CEP128: variants seen among roughly 807,000 people sequenced by gnomAD.
The protein encoded by CEP128 is centrosomal protein 128.
In CEP128, 132 loss-of-function variants were observed where a neutral mutation model predicts 156.7. The ratio of observed to expected loss-of-function variants is 0.84; its 90% CI spans 0.73 to 0.97. The LOEUF is 0.97. Ranked by LOEUF, CEP128 falls within the 50% of genes least tolerant of loss-of-function variation. CEP128 has a pLI of 0.00. For missense variants in CEP128, 1,252 were observed against 1,281.9 expected, an observed-to-expected ratio of 0.98 and a Z score of 0.36; for synonymous variants, 469 against 448.9, an observed-to-expected ratio of 1.04 and a Z score of -0.57.
At chr14:80,880,268 G>A (rs1208047111) in intron 8 of CEP128, among the ~76,000 whole-genome samples, 4 of 151,684 alleles carry the variant, frequency 2.6e-5, no homozygotes, top group South Asian at 2.1e-4. Flanking sequence ...AGCATTTATC[G>A]AAGTCCAACA....
intron 13 of CEP128, among the ~76,000 whole-genome samples, chr14:80,807,703 G>A (rs1252064080): frequency 6.6e-6 from 1 of 152,160 alleles, no homozygotes; most frequent in African/African-American, 2.4e-5. Flanking sequence ...TGAACATCCC[G>A]TAAGGGCCCT....
Position 80,916,441 on chromosome 14 carries a change from T to C in CEP128, c.107A>G (p.Glu36Gly). Residue 36 changes from glutamate to glycine, a missense_variant, in exon 3 of 25, where the codon GAA becomes GGA. Coordinates refer to ENST00000555265, the MANE Select transcript of CEP128 (RefSeq NM_152446.5). ...TATAGTGTTGACCTTCTCGGTAACT[T>C]CTACTGTAGGAAGACTTCGAGTTCC... ...HRGTRSLPTV[E>G]VTEKVNTITS... The C allele has an allele frequency of 3.7e-6, 6 of 1,614,066 alleles. No homozygotes were observed. Among genetic ancestry groups the C allele is most frequent in the Non-Finnish European group, 5.1e-6 (6 of 1,179,954 alleles).
chr14:80,938,543 G>A (rs577898296), intron 2 of CEP128, among the ~76,000 whole-genome samples: 66 of 152,090 alleles, frequency 4.3e-4, no homozygotes, highest in Non-Finnish European at 7.9e-4. Context: ...CACCGCGCCC[G>A]GCCACACAGT....
At chr14:80,499,069 G>A (rs1314883792) in intron 24 of CEP128, among the ~76,000 whole-genome samples, 1 of 152,184 alleles carries the variant, frequency 6.6e-6, no homozygotes, top group Non-Finnish European at 1.5e-5. Context: ...CCTGTAAAAT[G>A]AGAGAGACAG....
chr14:80,588,309 C>A (rs1186260086), intron 19 of CEP128, among the ~76,000 whole-genome samples: 1 of 152,012 alleles, frequency 6.6e-6, no homozygotes, highest in Non-Finnish European at 1.5e-5. Context: ...CTCTGGCAAT[C>A]CACACACAGA....
chr14:80,701,633 G>A (rs541443740), intron 19 of CEP128, among the ~76,000 whole-genome samples: 5 of 152,106 alleles, frequency 3.3e-5, no homozygotes, highest in Admixed American at 1.3e-4. Context: ...AAAAGGGACC[G>A]CTTGAAATTT....
Position 80,785,298 on chromosome 14 carries a change from C to A in CEP128, c.1808G>T (p.Ser603Ile). The stretch of plus-strand genomic sequence containing the variant: ...GTGAGCTTTCTCAACTTTCATCTGG[C>A]TTTGGATCTTACTCTGCTTTTTCAA... Reference protein sequence around the residue: ...SELKKQSKIQSQMKVEKAHLE... With the variant: ...SELKKQSKIQIQMKVEKAHLE... Residue 603 changes from serine to isoleucine, a missense_variant, in exon 15 of 25, where the codon AGC (serine) becomes ATC (isoleucine). Transcript: ENST00000555265. 2 of 1,614,170 alleles carry A rather than the reference C, an allele frequency of 1.2e-6. No individual in the cohort carries two copies. The highest frequency in any genetic ancestry group is 1.7e-6 in the Non-Finnish European group (2 of 1,180,022).
intron 19 of CEP128, among the ~76,000 whole-genome samples, chr14:80,714,264 G>T (rs79814695): frequency 0.015 from 2,307 of 151,952 alleles, 68 homozygotes; most frequent in African/African-American, 0.053. Flanking sequence ...ATTTCCTCAT[G>T]AGTCCATATA....
chr14:80,773,523 C>T (rs1424531322), intron 16 of CEP128, among the ~76,000 whole-genome samples: 1 of 152,060 alleles, frequency 6.6e-6, no homozygotes, highest in Non-Finnish European at 1.5e-5. Flanking sequence ...ATATCTACTA[C>T]CAAACTACTT....
intron 9 of CEP128, among the ~76,000 whole-genome samples, chr14:80,856,630 C>A (rs1340488611): frequency 6.6e-6 from 1 of 151,366 alleles, no homozygotes; most frequent in Non-Finnish European, 1.5e-5. Flanking sequence ...GTGAGTGTGA[C>A]CCTGCCTCAT....
chr14:80,707,683 T>C (rs1202186965), intron 19 of CEP128, among the ~76,000 whole-genome samples: 1 of 152,208 alleles, frequency 6.6e-6, no homozygotes, highest in East Asian at 1.9e-4. Flanking sequence ...TGATTTTTAC[T>C]TAACCTTAGT....
chr14:80,669,740 TATGGAGATTTCTAAAAGAACTA>T (rs1223686765), intron 19 of CEP128, among the ~76,000 whole-genome samples: 1 of 152,186 alleles, frequency 6.6e-6, no homozygotes, highest in Admixed American at 6.5e-5. Context: ...TGAAAAACGG[TATGGAGATTTCTAAAAGAACTA>T]AAAATAAGTA....
chr14:80,488,838 C>A (rs1234934866), downstream of CEP128, among the ~76,000 whole-genome samples: 1 of 151,900 alleles, frequency 6.6e-6, no homozygotes, highest in South Asian at 2.1e-4. Context: ...TTTGTAGGGA[C>A]ATGGATGAAA....
chr14:80,567,022 T>C (rs1307072500), intron 20 of CEP128, among the ~76,000 whole-genome samples: 1 of 152,106 alleles, frequency 6.6e-6, no homozygotes, highest in Non-Finnish European at 1.5e-5. Flanking sequence ...TCAACCTGGG[T>C]GTGGCAAATC....
intron 6 of CEP128, among the ~76,000 whole-genome samples, chr14:80,903,588 G>A (rs951397107): frequency 1.3e-5 from 2 of 151,606 alleles, no homozygotes; most frequent in South Asian, 2.1e-4. Context: ...AGAAATATCT[G>A]CAAACCATAT....
intron 2 of CEP128, among the ~76,000 whole-genome samples, chr14:80,952,572 C>T (rs1350186056): frequency 6.6e-6 from 1 of 151,888 alleles, no homozygotes; most frequent in African/African-American, 2.4e-5. Flanking sequence ...AAATCAGTGA[C>T]CTCAGTCTTA....
intron 16 of CEP128, among the ~76,000 whole-genome samples, chr14:80,775,824 T>G (rs928762787): frequency 6.6e-6 from 1 of 152,206 alleles, no homozygotes; most frequent in African/African-American, 2.4e-5. Context: ...TGAAGCAGCA[T>G]GTATTTTTTA....
chr14:80,504,889 G>A (rs1419323596), intron 24 of CEP128, 23 bp downstream of exon 24: 2 of 1,271,906 alleles, frequency 1.6e-6, no homozygotes, highest in African/African-American at 1.5e-5. Flanking sequence ...ATTTAAAAAT[G>A]GGTACAAGAC....
chr14:80,538,269 C>G (rs1260150719), intron 21 of CEP128, among the ~76,000 whole-genome samples: 1 of 151,968 alleles, frequency 6.6e-6, no homozygotes, highest in Non-Finnish European at 1.5e-5. Flanking sequence ...GAGCACAAAG[C>G]AGAAAAAAGC....
Sources: allele counts gnomAD v4.1 joint callset (sites outside exome capture counted in the v4.1 genomes callset), GRCh38; gene constraint gnomAD v4.1.1; transcripts MANE v1.5; gene names NCBI Gene and HGNC (gene_info 2026-07-23, HGNC 2026-07-21).